The following NCKAP5 variants were observed in gnomAD, a reference collection of about 807,000 sequenced individuals.
NCKAP5 encodes the protein NCK associated protein 5, also known as nck-associated protein 5.
NCKAP5 carries 92 observed loss-of-function variants against 167.0 expected under a neutral mutation model. The observed-to-expected ratio is 0.55, with a 90% CI of 0.47 to 0.66. The LOEUF is 0.66. Among genes scored for constraint, NCKAP5 ranks in the 30% least tolerant of loss-of-function variants. The pLI, the probability that NCKAP5 is intolerant of heterozygous loss-of-function variation, is 0.00. For synonymous variants in NCKAP5, 891 were observed against 877.4 expected (o/e 1.02, Z -0.27); for missense variants, 2,378 against 2,315.0 (o/e 1.03, Z -0.56).
At chr2:132,926,335 T>C (rs1695887420) in intron 8 of NCKAP5, 1 of 168,858 alleles carries the variant, frequency 5.9e-6, no homozygotes, top group Non-Finnish European at 1.3e-5. Context: ...TATAAACATA[T>C]AAGTGCAGGT....
intron 4 of NCKAP5, among the ~76,000 whole-genome samples, chr2:133,300,977 C>T (rs1432393796): frequency 4.3e-5 from 4 of 93,310 alleles, no homozygotes; most frequent in African/African-American, 1.5e-4. Context: ...CATTCTTATA[C>T]ACCAACAACA....
intron 3 of NCKAP5, among the ~76,000 whole-genome samples, chr2:133,438,172 G>A (rs2151151827): frequency 6.6e-6 from 1 of 152,280 alleles, no homozygotes; most frequent in South Asian, 2.1e-4. Flanking sequence ...TACCAACCCA[G>A]GACTCATATT....
chr2:133,625,689 T>A, the NCKAP5 span, among the ~76,000 whole-genome samples: 3 of 151,770 alleles, frequency 2.0e-5, no homozygotes, highest in African/African-American at 7.3e-5. Flanking sequence ...GCTAACACGG[T>A]GAAACCCCGT....
intron 19 of NCKAP5, among the ~76,000 whole-genome samples, chr2:132,681,310 TAC>T (rs1205202560): frequency 6.6e-6 from 1 of 151,902 alleles, no homozygotes; most frequent in East Asian, 1.9e-4. Flanking sequence ...AAAATAAATA[TAC>T]ATACTACTCA....
At chr2:133,628,567 C>T in the NCKAP5 span, among the ~76,000 whole-genome samples, 1 of 152,030 alleles carries the variant, frequency 6.6e-6, no homozygotes, top group African/African-American at 2.4e-5. Flanking sequence ...GGCCATACTG[C>T]CCAAATTATA....
At chr2:133,094,737 T>C (rs1397215435) in intron 6 of NCKAP5, among the ~76,000 whole-genome samples, 1 of 152,154 alleles carries the variant, frequency 6.6e-6, no homozygotes, top group African/African-American at 2.4e-5. Flanking sequence ...AAAGAGATCA[T>C]CTAAGTGGAC....
intron 8 of NCKAP5, among the ~76,000 whole-genome samples, chr2:132,956,712 G>A (rs765301875): frequency 6.6e-6 from 1 of 151,924 alleles, no homozygotes; most frequent in Admixed American, 6.6e-5. Context: ...TTTCCTCCAC[G>A]CCCACTCCCA....
chr2:133,674,761 A>G, the NCKAP5 span, among the ~76,000 whole-genome samples: 8 of 152,046 alleles, frequency 5.3e-5, no homozygotes, highest in Non-Finnish European at 1.0e-4. Context: ...TTCTAATGCT[A>G]TTGAGGAGAG....
chr2:133,195,264 G>A (rs952054948), intron 5 of NCKAP5, among the ~76,000 whole-genome samples: 7 of 152,074 alleles, frequency 4.6e-5, no homozygotes, highest in African/African-American at 7.2e-5. Flanking sequence ...TGTGGCTATC[G>A]AAATGACAAA....
the NCKAP5 span, among the ~76,000 whole-genome samples, chr2:133,638,160 A>G: frequency 6.6e-6 from 1 of 152,196 alleles, no homozygotes; most frequent in South Asian, 2.1e-4. Flanking sequence ...AGAGTTTATT[A>G]TGAATAGATT....
intron 16 of NCKAP5, among the ~76,000 whole-genome samples, chr2:132,770,654 A>T (rs985880384): frequency 1.3e-5 from 2 of 152,124 alleles, no homozygotes; most frequent in Admixed American, 1.3e-4. Context: ...GAGTAATCTA[A>T]TGCAGCACCA....
intron 2 of NCKAP5, among the ~76,000 whole-genome samples, chr2:133,557,013 C>T (rs1383840200): frequency 6.6e-6 from 1 of 152,156 alleles, no homozygotes; most frequent in Non-Finnish European, 1.5e-5. Flanking sequence ...TGGTATCATC[C>T]TTCCTGATAA....
At chr2:133,321,408 T>A (rs1347471759) in intron 3 of NCKAP5, among the ~76,000 whole-genome samples, 1 of 152,208 alleles carries the variant, frequency 6.6e-6, no homozygotes, top group Non-Finnish European at 1.5e-5. Context: ...AAGTGAAGAC[T>A]GCACCTGAAC....
At chr2:133,426,270 A>C (rs1436685708) in intron 3 of NCKAP5, among the ~76,000 whole-genome samples, 1 of 149,812 alleles carries the variant, frequency 6.7e-6, no homozygotes, top group Non-Finnish European at 1.5e-5. Context: ...ACTTCATCTC[A>C]AAAAAAAAAG....
At position 133,356,184 on chromosome 2, in the gene NCKAP5, C is replaced by T. The variant is rs202125780; in HGVS notation, c.70-53074G>A. ...TCAAGCAATCCAACCATCTCAGCCT[C>T]CCAAAGTGCTGGGATTACAGGCATG... On this transcript the variant is annotated intron_variant, in intron 3 of 19. Coordinates refer to ENST00000409261, the MANE Select transcript of NCKAP5 (RefSeq NM_207363.3). Among the ~76,000 whole-genome samples, 3 of 152,270 alleles carry T rather than the reference C, an allele frequency of 2.0e-5. No individual in the cohort carries two copies. In the East Asian group the frequency reaches 5.8e-4, roughly 29 times the overall value.
chr2:133,290,947 C>A (rs1679552981), intron 4 of NCKAP5, among the ~76,000 whole-genome samples: 1 of 151,880 alleles, frequency 6.6e-6, no homozygotes, highest in African/African-American at 2.4e-5. Context: ...TCTTAAACTC[C>A]TGGGTTCAAG....
the NCKAP5 span, among the ~76,000 whole-genome samples, chr2:133,644,999 C>T: frequency 4.6e-5 from 7 of 152,054 alleles, no homozygotes; most frequent in South Asian, 2.1e-4. Flanking sequence ...AATATAAAAG[C>T]TTGAGGAGTG....
rs1234041410 is a variant in NCKAP5, at chr2:132,794,236, A to ATG, written c.909+2391_909+2392insCA. 5.8e-3 allele frequency among the ~76,000 whole-genome samples: 265 copies of ATG among 45,484 alleles called. 5 individuals carry two copies. The highest frequency in any genetic ancestry group is 0.024 in the South Asian group (26 of 1,090). The allele number at this position is 45,484 out of a possible 152,430, so 29.8% of individuals were successfully genotyped here. ...AAAATGTTTATACATATATATATAT[A>ATG]TATATATATATATATATATATATAT... On this transcript the variant is annotated intron_variant, in intron 12 of 19. Transcript: ENST00000409261.
At chr2:132,930,625 T>A (rs111868564) in intron 8 of NCKAP5, 292 of 152,306 alleles carry the variant, frequency 1.9e-3, no homozygotes, top group Middle Eastern at 6.8e-3. Context: ...TTGATCTGAA[T>A]TACACCACTG....
Sources: allele counts gnomAD v4.1 joint callset (sites outside exome capture counted in the v4.1 genomes callset), GRCh38; gene constraint gnomAD v4.1.1; transcripts MANE v1.5; gene names NCBI Gene and HGNC (gene_info 2026-07-23, HGNC 2026-07-21).